Variants in NLGN1 observed in about 807,000 individuals in gnomAD.
NLGN1 encodes neuroligin 1, also known as neuroligin-1.
Under a neutral mutation model 65.5 loss-of-function variants are expected in NLGN1, and 12 were observed. That is an observed-to-expected ratio of 0.18 (90% CI 0.12 to 0.30). NLGN1 has a LOEUF of 0.30. Ranked by LOEUF, NLGN1 falls within the 10% of genes least tolerant of loss-of-function variation. NLGN1 has a pLI of 1.00. For missense variants in NLGN1, 750 were observed against 1,007.1 expected, an observed-to-expected ratio of 0.74 and a Z score of 3.46; for synonymous variants, 350 against 359.5, an observed-to-expected ratio of 0.97 and a Z score of 0.30.
intron 1 of NLGN1, among the ~76,000 whole-genome samples, chr3:173,421,744 C>T (rs1183054787): frequency 6.6e-6 from 1 of 151,946 alleles, no homozygotes; most frequent in Non-Finnish European, 1.5e-5. Context: ...TGGTCTTAAA[C>T]TCCTGGGCTC....
At chr3:173,939,336 A>G (rs1403756162) in intron 4 of NLGN1, among the ~76,000 whole-genome samples, 1 of 152,194 alleles carries the variant, frequency 6.6e-6, no homozygotes, top group Non-Finnish European at 1.5e-5. Context: ...TCTGTAGGGA[A>G]TGAAAACTAA....
chr3:173,906,538 A>G (rs1738428707), intron 4 of NLGN1, among the ~76,000 whole-genome samples: 1 of 152,116 alleles, frequency 6.6e-6, no homozygotes, highest in Non-Finnish European at 1.5e-5. Flanking sequence ...AACCCATCAC[A>G]TTTTTGTAAA....
intron 4 of NLGN1, among the ~76,000 whole-genome samples, chr3:174,218,561 T>C (rs1210365998): frequency 6.6e-6 from 1 of 152,036 alleles, no homozygotes; most frequent in Admixed American, 6.6e-5. Flanking sequence ...AATGGTATTA[T>C]AGTTAAGGTC....
intron 4 of NLGN1, among the ~76,000 whole-genome samples, chr3:174,049,582 A>G (rs778881131): frequency 1.3e-5 from 2 of 152,074 alleles, no homozygotes; most frequent in Non-Finnish European, 2.9e-5. Flanking sequence ...AGTGGACCCT[A>G]AGGCTAATTC....
chr3:173,696,111 C>T (rs1054235547), intron 3 of NLGN1, among the ~76,000 whole-genome samples: 1 of 152,154 alleles, frequency 6.6e-6, no homozygotes, highest in African/African-American at 2.4e-5. Context: ...TGAGCCTGGC[C>T]TTATTTATAA....
At chr3:173,739,746 C>T (rs1377672915) in intron 3 of NLGN1, among the ~76,000 whole-genome samples, 1 of 152,062 alleles carries the variant, frequency 6.6e-6, no homozygotes, top group Non-Finnish European at 1.5e-5. Flanking sequence ...ATAAGGCTGA[C>T]GTTCTTCCTA....
chr3:174,043,273 A>G (rs1732768872), intron 4 of NLGN1, among the ~76,000 whole-genome samples: 1 of 152,156 alleles, frequency 6.6e-6, no homozygotes. Flanking sequence ...TCCAGATCTC[A>G]TGTATGTCCT....
intron 1 of NLGN1, among the ~76,000 whole-genome samples, chr3:173,409,214 C>G (rs1711983773): frequency 1.3e-5 from 2 of 152,048 alleles, no homozygotes; most frequent in African/African-American, 4.8e-5. Context: ...ATTGCAATAT[C>G]TTTTATTTAT....
At chr3:174,241,962 C>G (rs1742954304) in intron 4 of NLGN1, among the ~76,000 whole-genome samples, 2 of 152,100 alleles carry the variant, frequency 1.3e-5, no homozygotes, top group African/African-American at 4.8e-5. Flanking sequence ...CCGGCCCCAA[C>G]GTATCTTTAT....
At position 173,671,437 on chromosome 3, in the gene NLGN1, G is replaced by A. The variant is rs1377330152; in HGVS notation, c.493+66346G>A. 2.6e-5 allele frequency among the ~76,000 whole-genome samples: 4 copies of A among 152,150 alleles called. No homozygotes were observed. The East Asian group carries it at 7.7e-4, about 29-fold the overall frequency. On this transcript the variant is annotated intron_variant, in intron 3 of 6. Coordinates refer to ENST00000457714, the Ensembl canonical transcript of NLGN1. ...GTTGAGGCAACAGTGAACTGTGATT[G>A]CGCCACTGCACTCCAGACTGTCTCA... is the stretch of plus-strand genomic sequence containing the variant.
chr3:173,541,637 CT>C (rs2149231664), intron 2 of NLGN1, among the ~76,000 whole-genome samples: 1 of 152,226 alleles, frequency 6.6e-6, no homozygotes, highest in East Asian at 1.9e-4. Context: ...AAGTGGTAAA[CT>C]TTCTGATTCT....
At chr3:173,470,343 T>C (rs1421518125) in intron 2 of NLGN1, among the ~76,000 whole-genome samples, 5 of 152,038 alleles carry the variant, frequency 3.3e-5, no homozygotes, top group African/African-American at 1.2e-4. Context: ...CATCATATCA[T>C]CATATTTTTG....
At chr3:173,649,607 G>A (rs1758821976) in intron 3 of NLGN1, among the ~76,000 whole-genome samples, 5 of 151,818 alleles carry the variant, frequency 3.3e-5, no homozygotes, top group Admixed American at 3.3e-4. Context: ...TTTTCTCACC[G>A]TGAAAACTAG....
chr3:173,919,006 CT>C (rs1315861878), intron 4 of NLGN1, among the ~76,000 whole-genome samples: 1 of 152,006 alleles, frequency 6.6e-6, no homozygotes, highest in African/African-American at 2.4e-5. Flanking sequence ...ATTTCAATTT[CT>C]GTCTCTGATT....
chr3:173,743,723 G>A (rs1262869160), intron 3 of NLGN1, among the ~76,000 whole-genome samples: 4 of 152,090 alleles, frequency 2.6e-5, no homozygotes, highest in African/African-American at 7.2e-5. Context: ...TGGACAGTTC[G>A]TTGGGGAGGG....
At chr3:174,062,056 G>A (rs1318970915) in intron 4 of NLGN1, among the ~76,000 whole-genome samples, 1 of 152,038 alleles carries the variant, frequency 6.6e-6, no homozygotes, top group Non-Finnish European at 1.5e-5. Context: ...GCTTGGGGGG[G>A]AAGAAACTGT....
chr3:174,222,334 A>C (rs1459795127), intron 4 of NLGN1, among the ~76,000 whole-genome samples: 1 of 152,134 alleles, frequency 6.6e-6, no homozygotes, highest in African/African-American at 2.4e-5. Flanking sequence ...CAAATACTTC[A>C]ACTAACAAAA....
intron 4 of NLGN1, among the ~76,000 whole-genome samples, chr3:173,963,016 A>T (rs970244005): frequency 4.9e-4 from 74 of 152,244 alleles, no homozygotes; most frequent in South Asian, 1.7e-3. Context: ...AATTTATGGA[A>T]CCTCATAATC....
At chr3:174,162,614 C>A (rs965162258) in intron 4 of NLGN1, among the ~76,000 whole-genome samples, 3 of 151,720 alleles carry the variant, frequency 2.0e-5, no homozygotes, top group Non-Finnish European at 2.9e-5. Context: ...TATATATATT[C>A]ATTATATTCC....
Sources: gnomAD v4.1 joint callset for allele counts (sites outside exome capture counted in the v4.1 genomes callset) on GRCh38, gnomAD v4.1.1 for gene constraint, MANE v1.5 for transcripts, NCBI Gene and HGNC (gene_info 2026-07-23, HGNC 2026-07-21) for gene names.